Variants in CMSS1 observed in about 807,000 individuals in gnomAD.
CMSS1 encodes cms1 ribosomal small subunit homolog.
Under a neutral mutation model 43.5 loss-of-function variants are expected in CMSS1, and 33 were observed. The ratio of observed to expected loss-of-function variants is 0.76; its 90% CI spans 0.57 to 1.01. The LOEUF is 1.01. Ranked by LOEUF, CMSS1 falls within the 50% of genes least tolerant of loss-of-function variation. CMSS1 has a pLI of 0.00. For missense variants in CMSS1, 313 were observed against 326.4 expected, an observed-to-expected ratio of 0.96 and a Z score of 0.32; for synonymous variants, 115 against 117.2, an observed-to-expected ratio of 0.98 and a Z score of 0.12.
intron 1 of CMSS1, among the ~76,000 whole-genome samples, chr3:100,143,720 C>T (rs2066823405): frequency 6.6e-6 from 1 of 152,088 alleles, no homozygotes; most frequent in South Asian, 2.1e-4. Context: ...ATGCTTTGTA[C>T]TTCTACAAAG....
intron 1 of CMSS1, among the ~76,000 whole-genome samples, chr3:99,916,437 T>TACAC (rs10529210): frequency 0.02 from 2,714 of 137,110 alleles, 30 homozygotes; most frequent in East Asian, 0.036. Context: ...TAACGGTTTA[T>TACAC]ACACACACAC....
chr3:99,925,579 TA>T (rs34149588), intron 1 of CMSS1, among the ~76,000 whole-genome samples: 40,255 of 151,922 alleles, frequency 0.26, 6,055 homozygotes, highest in Admixed American at 0.34. Flanking sequence ...AGCAGTAGTT[TA>T]AAAAAAATTT....
intron 1 of CMSS1, among the ~76,000 whole-genome samples, chr3:99,843,905 C>T (rs1259071773): frequency 1.3e-5 from 2 of 152,174 alleles, no homozygotes; most frequent in Non-Finnish European, 2.9e-5. Flanking sequence ...ACTGCACATG[C>T]GAGGGGTCTA....
chr3:99,983,502 A>G lies in CMSS1; in HGVS notation c.65-163471A>G, dbSNP rs1182495707. Among the ~76,000 whole-genome samples the G allele has an allele frequency of 9.7e-5, 11 of 112,994 alleles. No individual in the cohort carries two copies. The South Asian group carries it at 1.1e-3, about 12-fold the overall frequency. The allele number at this position is 112,994 out of a possible 152,430, so 74.1% of individuals were successfully genotyped here. On this transcript the variant is annotated intron_variant, in intron 1 of 9. Coordinates refer to ENST00000421999, the MANE Select transcript of CMSS1 (RefSeq NM_032359.4). ...TATATATATATATATATATATATATATATATATGTATATATATACACACAC... is the reference window on the plus strand; with the variant it reads ...TATATATATATATATATATATATATGTATATATGTATATATATACACACAC...
chr3:99,955,805 G>A (rs932526277), intron 1 of CMSS1, among the ~76,000 whole-genome samples: 9 of 152,068 alleles, frequency 5.9e-5, no homozygotes, highest in Admixed American at 1.3e-4. Context: ...ATGGAATTTC[G>A]AATGGCCTGT....
At chr3:99,831,702 A>T (rs945487553) in intron 1 of CMSS1, among the ~76,000 whole-genome samples, 4 of 152,188 alleles carry the variant, frequency 2.6e-5, no homozygotes, top group Non-Finnish European at 5.9e-5. Flanking sequence ...TCAAAAATCT[A>T]TGTTGGGATC....
intron 1 of CMSS1, chr3:99,848,526 A>G: frequency 6.2e-7 from 1 of 1,614,172 alleles, no homozygotes; most frequent in Non-Finnish European, 8.5e-7. Flanking sequence ...CACTTGAGCT[A>G]TTGCTGTTTG....
intron 1 of CMSS1, among the ~76,000 whole-genome samples, chr3:99,927,924 C>G (rs117786530): frequency 3.9e-5 from 6 of 152,020 alleles, no homozygotes; most frequent in Non-Finnish European, 4.4e-5. Flanking sequence ...GTCATGTAAC[C>G]GAGAGCTGTT....
chr3:100,141,204 A>G (rs2066801817), intron 1 of CMSS1, among the ~76,000 whole-genome samples: 1 of 152,186 alleles, frequency 6.6e-6, no homozygotes, highest in South Asian at 2.1e-4. Flanking sequence ...ACTTTGTGTC[A>G]GAATGTCTGG....
At chr3:99,929,237 G>T (rs377092050) in intron 1 of CMSS1, among the ~76,000 whole-genome samples, 49 of 152,330 alleles carry the variant, frequency 3.2e-4, no homozygotes, top group African/African-American at 1.2e-3. Context: ...CCTAGTGGTG[G>T]CCCTGTTGGG....
At chr3:99,952,162 A>T (rs1010888106) in intron 1 of CMSS1, among the ~76,000 whole-genome samples, 1 of 151,458 alleles carries the variant, frequency 6.6e-6, no homozygotes, top group Admixed American at 6.6e-5. Flanking sequence ...TCTCCTATAG[A>T]TGTGTTTTTT....
At chr3:100,038,182 CTGACTTCAGG>C (rs1396543191) in intron 1 of CMSS1, among the ~76,000 whole-genome samples, 4 of 152,122 alleles carry the variant, frequency 2.6e-5, no homozygotes, top group Admixed American at 1.3e-4. Flanking sequence ...TCTTGAACTC[CTGACTTCAGG>C]TGATCCAGCT....
intron 1 of CMSS1, among the ~76,000 whole-genome samples, chr3:100,102,375 A>G (rs1306649734): frequency 6.6e-6 from 1 of 152,166 alleles, no homozygotes; most frequent in Non-Finnish European, 1.5e-5. Flanking sequence ...TGTTAAGAGG[A>G]TAACTAAATA....
intron 2 of CMSS1, among the ~76,000 whole-genome samples, chr3:100,158,602 T>G (rs976023062): frequency 3.9e-5 from 6 of 152,202 alleles, no homozygotes; most frequent in African/African-American, 1.4e-4. Context: ...CTAAAGTAAC[T>G]AGTCTCCAAA....
chr3:100,040,874 C>G (rs556151410), intron 1 of CMSS1: 1 of 152,212 alleles, frequency 6.6e-6, no homozygotes, highest in East Asian at 1.9e-4. Context: ...TCCCTTGAGC[C>G]TGGATTATGC....
At chr3:99,974,017 C>A (rs541480354) in intron 1 of CMSS1, among the ~76,000 whole-genome samples, 33 of 152,204 alleles carry the variant, frequency 2.2e-4, no homozygotes, top group Non-Finnish European at 4.4e-5. Flanking sequence ...AAATCTGAGA[C>A]TAAGTACCAA....
chr3:100,034,084 T>C (rs572109502), intron 1 of CMSS1, among the ~76,000 whole-genome samples: 1 of 152,296 alleles, frequency 6.6e-6, no homozygotes, highest in East Asian at 1.9e-4. Flanking sequence ...TTAATACACT[T>C]AAGAAAAGAA....
intron 1 of CMSS1, among the ~76,000 whole-genome samples, chr3:99,920,590 C>G (rs527380012): frequency 6.6e-6 from 1 of 152,184 alleles, no homozygotes; most frequent in African/African-American, 2.4e-5. Flanking sequence ...CAGACCAAAC[C>G]GCACAGATTA....
chr3:99,823,043 G>C (rs901390778), intron 1 of CMSS1, among the ~76,000 whole-genome samples: 2 of 152,044 alleles, frequency 1.3e-5, no homozygotes, highest in Non-Finnish European at 2.9e-5. Context: ...CTTATATTTC[G>C]CATTCTCATT....
Sources: allele counts gnomAD v4.1 joint callset (sites outside exome capture counted in the v4.1 genomes callset), GRCh38; gene constraint gnomAD v4.1.1; transcripts MANE v1.5; gene names NCBI Gene and HGNC (gene_info 2026-07-23, HGNC 2026-07-21).